PDE4D: variants seen among roughly 807,000 people sequenced by gnomAD.
PDE4D encodes phosphodiesterase 4D.
In PDE4D, 24 loss-of-function variants were observed where a neutral mutation model predicts 87.4. That is an observed-to-expected ratio of 0.27 (90% confidence interval 0.20 to 0.39). The LOEUF is 0.39. PDE4D is among the 10% of genes least tolerant of loss of function. The pLI is 1.00. For missense variants in PDE4D, 714 were observed against 1,041.0 expected, an observed-to-expected ratio of 0.69 and a Z score of 4.32; for synonymous variants, 384 against 383.2, an observed-to-expected ratio of 1.00 and a Z score of -0.02.
chr5:59,174,809 T>C (rs1452919501), intron 5 of PDE4D, among the ~76,000 whole-genome samples: 2 of 152,166 alleles, frequency 1.3e-5, no homozygotes. Flanking sequence ...AACCACATGT[T>C]TATTCCTGGC....
At chr5:59,343,120 G>A (rs1387419431) in intron 1 of PDE4D, among the ~76,000 whole-genome samples, 1 of 151,638 alleles carries the variant, frequency 6.6e-6, no homozygotes, top group Non-Finnish European at 1.5e-5. Flanking sequence ...CCCCTCTCTG[G>A]TATGCTCCTG....
chr5:59,289,674 A>G (rs1579848), intron 1 of PDE4D, among the ~76,000 whole-genome samples: 34,957 of 151,858 alleles, frequency 0.23, 4,373 homozygotes, highest in Admixed American at 0.34. Context: ...TATATTAATA[A>G]TACTGGAAGT....
intron 1 of PDE4D, among the ~76,000 whole-genome samples, chr5:59,388,903 T>C (rs1787665597): frequency 6.6e-6 from 1 of 152,090 alleles, no homozygotes; most frequent in Non-Finnish European, 1.5e-5. Context: ...TATATCAATC[T>C]TATAAAATTG....
intron 2 of PDE4D, among the ~76,000 whole-genome samples, chr5:60,040,572 T>C (rs142569301): frequency 1.9e-3 from 296 of 152,338 alleles, no homozygotes; most frequent in African/African-American, 6.8e-3. Flanking sequence ...GCATACTTCA[T>C]GGAAATTATT....
At chr5:59,744,557 G>A (rs1465142933) in intron 1 of PDE4D, among the ~76,000 whole-genome samples, 1 of 152,174 alleles carries the variant, frequency 6.6e-6, no homozygotes, top group South Asian at 2.1e-4. Context: ...TCATCATGAG[G>A]TCTATTAGAA....
chr5:60,282,155 C>G (rs115935020), intron 1 of PDE4D, among the ~76,000 whole-genome samples: 194 of 148,252 alleles, frequency 1.3e-3, no homozygotes, highest in African/African-American at 4.7e-3. Flanking sequence ...TTCTGTGATA[C>G]AGAAATTCAT....
At chr5:59,325,386 A>C (rs1489970107) in intron 1 of PDE4D, among the ~76,000 whole-genome samples, 2 of 152,206 alleles carry the variant, frequency 1.3e-5, no homozygotes, top group Non-Finnish European at 2.9e-5. Flanking sequence ...TGTTAGAAAC[A>C]GGAATTTCAA....
intron 1 of PDE4D, among the ~76,000 whole-genome samples, chr5:59,322,221 A>G (rs150334457): frequency 9.9e-5 from 15 of 152,232 alleles, no homozygotes; most frequent in African/African-American, 3.6e-4. Flanking sequence ...ATAACTACAT[A>G]CTAAGGAAAA....
intron 1 of PDE4D, among the ~76,000 whole-genome samples, chr5:59,454,634 C>A (rs1037149437): frequency 6.6e-6 from 1 of 152,022 alleles, no homozygotes; most frequent in African/African-American, 2.4e-5. Context: ...CGAAAAGATA[C>A]CTGAAAGTGT....
intron 5 of PDE4D, among the ~76,000 whole-genome samples, chr5:59,100,756 T>C (rs1770599773): frequency 6.6e-6 from 1 of 152,224 alleles, no homozygotes; most frequent in African/African-American, 2.4e-5. Context: ...CCACAGAAGC[T>C]AGCACAGTAC....
intron 1 of PDE4D, among the ~76,000 whole-genome samples, chr5:59,597,663 A>C (rs985052980): frequency 6.6e-6 from 1 of 152,196 alleles, no homozygotes; most frequent in African/African-American, 2.4e-5. Context: ...TTTTTCAAAT[A>C]ATCATTTGAA....
At chr5:59,807,836 G>A (rs773669777) in intron 1 of PDE4D, among the ~76,000 whole-genome samples, 6 of 152,246 alleles carry the variant, frequency 3.9e-5, no homozygotes, top group Non-Finnish European at 8.8e-5. Context: ...GTGGTATGCA[G>A]GCTCCCACCT....
chr5:60,346,366 A>G (rs550718575), intron 1 of PDE4D, among the ~76,000 whole-genome samples: 5 of 152,324 alleles, frequency 3.3e-5, no homozygotes, highest in Non-Finnish European at 7.4e-5. Flanking sequence ...TCAGAAAGCA[A>G]TAGGCAGAAA....
intron 6 of PDE4D, among the ~76,000 whole-genome samples, chr5:59,010,611 G>T (rs1034279149): frequency 1.3e-5 from 2 of 152,022 alleles, no homozygotes; most frequent in African/African-American, 4.8e-5. Context: ...TCCTTTGTAT[G>T]CTCATTCTAG....
chr5:59,027,328 TGAAGTA>T (rs1489576576), intron 6 of PDE4D, among the ~76,000 whole-genome samples: 1 of 152,234 alleles, frequency 6.6e-6, no homozygotes, highest in Non-Finnish European at 1.5e-5. Context: ...ATAACCTGGC[TGAAGTA>T]GTGATAGGTT....
chr5:59,201,975 C>T (rs1331515349), intron 2 of PDE4D, among the ~76,000 whole-genome samples: 1 of 151,016 alleles, frequency 6.6e-6, no homozygotes, highest in African/African-American at 2.4e-5. Flanking sequence ...CTTTTCAACG[C>T]CAAACTCAGG....
chr5:59,659,152 A>T (rs1295556600), intron 1 of PDE4D, among the ~76,000 whole-genome samples: 1 of 152,220 alleles, frequency 6.6e-6, no homozygotes, highest in African/African-American at 2.4e-5. Flanking sequence ...AATAAAAGCA[A>T]CTTTTGCAGA....
chr5:60,125,406 GT>G (rs1779044253), intron 2 of PDE4D, among the ~76,000 whole-genome samples: 1 of 152,000 alleles, frequency 6.6e-6, no homozygotes, highest in African/African-American at 2.4e-5. Context: ...TACCACCCTA[GT>G]CCAAGCCATC....
At chr5:60,475,408 G>C (rs780966542) in intron 1 of PDE4D, among the ~76,000 whole-genome samples, 7 of 152,222 alleles carry the variant, frequency 4.6e-5, no homozygotes, top group Admixed American at 4.6e-4. Flanking sequence ...AGAAGAGCCA[G>C]GTCCTTCAAG....
Sources: gnomAD v4.1 joint callset for allele counts (sites outside exome capture counted in the v4.1 genomes callset) on GRCh38, gnomAD v4.1.1 for gene constraint, MANE v1.5 for transcripts, NCBI Gene and HGNC (gene_info 2026-07-23, HGNC 2026-07-21) for gene names.